Variants in PRKAG2 observed in about 807,000 individuals in gnomAD.
The protein encoded by PRKAG2 is 5'-AMP-activated protein kinase subunit gamma-2.
PRKAG2 carries 26 observed loss-of-function variants against 69.6 expected under a neutral mutation model. The observed-to-expected ratio is 0.37, with a 90% CI of 0.27 to 0.52. PRKAG2 has a LOEUF of 0.52. Among genes scored for constraint, PRKAG2 ranks in the 20% least tolerant of loss-of-function variants. The probability of loss-of-function intolerance (pLI) is 0.90; values close to 1 mark genes in which losing one functional copy is unlikely to be tolerated. For missense variants in PRKAG2, 557 were observed against 740.0 expected (o/e 0.75, Z 2.87); for synonymous variants, 293 against 285.0 (o/e 1.03, Z -0.28).
At chr7:151,728,412 C>T (rs955389656) in intron 3 of PRKAG2, among the ~76,000 whole-genome samples, 2 of 152,164 alleles carry the variant, frequency 1.3e-5, no homozygotes, top group African/African-American at 4.8e-5. Context: ...CCTGGACCCA[C>T]GCACAAGCCC....
At chr7:151,827,772 A>AAAAAAAAAAG (rs1182409684) in intron 1 of PRKAG2, among the ~76,000 whole-genome samples, 2 of 150,084 alleles carry the variant, frequency 1.3e-5, no homozygotes, top group African/African-American at 4.9e-5. Context: ...AAAAAAAAAA[A>AAAAAAAAAAG]AACTGCCTTG....
chr7:151,697,124 G>T (rs888767273), intron 3 of PRKAG2, among the ~76,000 whole-genome samples: 2 of 152,204 alleles, frequency 1.3e-5, no homozygotes, highest in Non-Finnish European at 2.9e-5. Context: ...TCCCCGGGGA[G>T]AGAGCTGGAG....
rs1340024046 is a variant in PRKAG2, at chr7:151,559,164, T to G, written c.1678+1360A>C. 4 of 983,918 alleles carry G rather than the reference T, an allele frequency of 4.1e-6. No individual in the cohort carries two copies. The African/African-American group carries it at 7.0e-5, about 17-fold the overall frequency. The allele number at this position is 983,918 out of a possible 1,614,324, so 60.9% of individuals were successfully genotyped here. ...TATATGAATTTAATGATGGTCTGGA[T>G]GAGCCTGGCTCCCTCTGTTCAATGT... is the stretch of plus-strand genomic sequence containing the variant. On this transcript the variant is annotated intron_variant, in intron 15 of 15. Transcript: ENST00000287878.
At chr7:151,581,148 T>C (rs1395765591) in intron 6 of PRKAG2, among the ~76,000 whole-genome samples, 2 of 152,150 alleles carry the variant, frequency 1.3e-5, no homozygotes, top group Non-Finnish European at 1.5e-5. Flanking sequence ...GGGTTAAACA[T>C]AGTTTGTTAA....
intron 1 of PRKAG2, among the ~76,000 whole-genome samples, chr7:151,841,398 AGGTAGTGAT>A (rs1344843293): frequency 5.9e-5 from 9 of 151,726 alleles, no homozygotes; most frequent in East Asian, 2.0e-4. Flanking sequence ...TAGTGATAGT[AGGTAGTGAT>A]GGTAGTGATG....
intron 4 of PRKAG2, among the ~76,000 whole-genome samples, chr7:151,662,486 C>G (rs977248018): frequency 5.3e-5 from 8 of 152,204 alleles, no homozygotes; most frequent in African/African-American, 1.9e-4. Flanking sequence ...TCTGAATCTC[C>G]ACTCCTGTGG....
intron 3 of PRKAG2, among the ~76,000 whole-genome samples, chr7:151,749,460 T>C (rs1234178485): frequency 6.6e-6 from 1 of 152,164 alleles, no homozygotes; most frequent in Non-Finnish European, 1.5e-5. Context: ...GTGACGTTGG[T>C]CATCAAAACT....
rs117138949 is a variant in PRKAG2, at chr7:151,598,173, G to A, written c.755-2719C>T. Among the ~76,000 whole-genome samples, 1,423 of 152,280 alleles carry A rather than the reference G, an allele frequency of 9.3e-3. 13 individuals are homozygous for A. The highest frequency in any genetic ancestry group is 0.015 in the Non-Finnish European group (1,027 of 68,026). ...CATCTGTGAGCACAGGATGAACCTAGAGGACACTGTGTTACATGAAATAAG... is the reference window on the plus strand; with the variant it reads ...CATCTGTGAGCACAGGATGAACCTAAAGGACACTGTGTTACATGAAATAAG... On this transcript the variant is annotated intron_variant, in intron 5 of 15. Transcript: ENST00000287878.
At chr7:151,609,443 T>C (rs754314697) in intron 5 of PRKAG2, among the ~76,000 whole-genome samples, 8 of 152,206 alleles carry the variant, frequency 5.3e-5, no homozygotes, top group Non-Finnish European at 5.9e-5. Context: ...AACAGACACA[T>C]ACCAGTATGA....
chr7:151,613,829 A>G (rs1585228995), intron 5 of PRKAG2, among the ~76,000 whole-genome samples: 1 of 130,930 alleles, frequency 7.6e-6, no homozygotes, highest in Non-Finnish European at 1.6e-5. Flanking sequence ...TTTGAGATGG[A>G]GTCTCGCTCT....
chr7:151,870,157 G>GATGATAGATAGA (rs1563769271), intron 1 of PRKAG2, among the ~76,000 whole-genome samples: 14 of 112,664 alleles, frequency 1.2e-4, no homozygotes, highest in African/African-American at 5.2e-4. Flanking sequence ...AGATAGATAG[G>GATGATAGATAGA]CAGGCAGGCA....
intron 3 of PRKAG2, among the ~76,000 whole-genome samples, chr7:151,676,878 G>A (rs545066106): frequency 3.5e-4 from 53 of 152,328 alleles, no homozygotes; most frequent in African/African-American, 1.2e-3. Flanking sequence ...CCAGAGGGAA[G>A]GCCTCGTGCT....
chr7:151,563,093 G>A (rs984100119), intron 14 of PRKAG2, among the ~76,000 whole-genome samples: 2 of 152,126 alleles, frequency 1.3e-5, no homozygotes, highest in African/African-American at 4.8e-5. Context: ...GTCATCTGCT[G>A]CTGAGTCAAA....
At chr7:151,804,812 G>A (rs1363952763) in intron 1 of PRKAG2, among the ~76,000 whole-genome samples, 1 of 152,160 alleles carries the variant, frequency 6.6e-6, no homozygotes, top group Non-Finnish European at 1.5e-5. Context: ...GTAGGACATA[G>A]GTCATAAAAT....
At position 151,616,283 on chromosome 7, in the gene PRKAG2, C is replaced by T. The variant is rs149328110; in HGVS notation, c.754+15786G>A. Among the ~76,000 whole-genome samples, 332 of 152,280 alleles carry T rather than the reference C, an allele frequency of 2.2e-3. 1 individual carries two copies. The highest frequency in any genetic ancestry group is 7.6e-3 in the African/African-American group (314 of 41,564). On this transcript the variant is annotated intron_variant, in intron 5 of 15. Coordinates refer to ENST00000287878, the MANE Select transcript of PRKAG2 (RefSeq NM_016203.4). ...GAGGAAGCAGGTGCACATGCATGCACACATGCACATATGCACACAGGCACA... is the reference window on the plus strand; with the variant it reads ...GAGGAAGCAGGTGCACATGCATGCATACATGCACATATGCACACAGGCACA...
At chr7:151,728,908 G>C (rs1798444208) in intron 3 of PRKAG2, among the ~76,000 whole-genome samples, 1 of 152,148 alleles carries the variant, frequency 6.6e-6, no homozygotes. Flanking sequence ...TGACTGGGAT[G>C]GGGTCAGAAA....
intron 1 of PRKAG2, among the ~76,000 whole-genome samples, chr7:151,871,320 C>G (rs1458334844): frequency 6.6e-6 from 1 of 152,246 alleles, no homozygotes; most frequent in African/African-American, 2.4e-5. Context: ...ATCAGCCATG[C>G]CTTACAAGAG....
intron 6 of PRKAG2, among the ~76,000 whole-genome samples, chr7:151,589,982 C>T (rs1346056200): frequency 1.3e-5 from 2 of 152,126 alleles, no homozygotes; most frequent in Admixed American, 6.5e-5. Context: ...AAGACTGGTT[C>T]CCAGGAACAG....
intron 4 of PRKAG2, among the ~76,000 whole-genome samples, chr7:151,673,988 CCCA>C (rs1340304944): frequency 6.6e-6 from 1 of 151,864 alleles, no homozygotes; most frequent in Non-Finnish European, 1.5e-5. Context: ...ATTACAGGTG[CCCA>C]CCACCACGCC....
Sources: allele counts gnomAD v4.1 joint callset (sites outside exome capture counted in the v4.1 genomes callset), GRCh38; gene constraint gnomAD v4.1.1; transcripts MANE v1.5; gene names NCBI Gene and HGNC (gene_info 2026-07-23, HGNC 2026-07-21).